The following SOX6 variants were observed in gnomAD, a reference collection of about 807,000 sequenced individuals.
The protein encoded by SOX6 is transcription factor SOX-6.
Under a neutral mutation model 97.8 loss-of-function variants are expected in SOX6, and 11 were observed. The observed-to-expected ratio is 0.11, with a 90% CI of 0.07 to 0.19. The LOEUF (loss-of-function observed/expected upper bound fraction) is 0.19, where lower values mean the gene tolerates loss of function less well. Ranked by LOEUF, SOX6 falls within the 10% of genes least tolerant of loss-of-function variation. The pLI, the probability that SOX6 is intolerant of heterozygous loss-of-function variation, is 1.00. For synonymous variants in SOX6, 360 were observed against 371.4 expected, an observed-to-expected ratio of 0.97 and a Z score of 0.35; for missense variants, 810 against 1,039.5, an observed-to-expected ratio of 0.78 and a Z score of 3.04.
At chr11:16,446,816 A>G (rs564362989) in intron 1 of SOX6, among the ~76,000 whole-genome samples, 1 of 152,052 alleles carries the variant, frequency 6.6e-6, no homozygotes, top group Non-Finnish European at 1.5e-5. Context: ...AGGTTTAATT[A>G]TTTAAGATAT....
intron 4 of SOX6, among the ~76,000 whole-genome samples, chr11:16,608,642 CAT>C (rs1417508571): frequency 6.6e-6 from 1 of 150,780 alleles, no homozygotes; most frequent in Non-Finnish European, 1.5e-5. Context: ...AGATTCCTAA[CAT>C]ATGTAGGTGG....
intron 9 of SOX6, among the ~76,000 whole-genome samples, chr11:16,092,731 T>G (rs1848718540): frequency 6.6e-6 from 1 of 151,602 alleles, no homozygotes; most frequent in Non-Finnish European, 1.5e-5. Context: ...TAATATAAGC[T>G]ACAACTATGA....
intron 3 of SOX6, among the ~76,000 whole-genome samples, chr11:16,711,007 T>A (rs1317107920): frequency 6.6e-6 from 1 of 152,160 alleles, no homozygotes; most frequent in East Asian, 1.9e-4. Context: ...CTTTTCATTA[T>A]CCCCAATTCT....
intron 3 of SOX6, among the ~76,000 whole-genome samples, chr11:16,703,053 G>A (rs1005701578): frequency 2.6e-5 from 4 of 151,428 alleles, no homozygotes; most frequent in Admixed American, 1.3e-4. Context: ...GATGACAAAT[G>A]GTAGGAAATT....
intron 13 of SOX6, among the ~76,000 whole-genome samples, chr11:16,008,983 C>T (rs1307817418): frequency 6.6e-6 from 1 of 152,076 alleles, no homozygotes; most frequent in Non-Finnish European, 1.5e-5. Flanking sequence ...CACAGAGATG[C>T]TATTGCCTAT....
At chr11:16,720,641 T>C (rs1420854851) in intron 2 of SOX6, among the ~76,000 whole-genome samples, 4 of 147,152 alleles carry the variant, frequency 2.7e-5, no homozygotes, top group African/African-American at 1.0e-4. Flanking sequence ...CATGTATACA[T>C]ATGTAACTAA....
intron 1 of SOX6, chr11:16,402,766 A>T (rs575835541): frequency 2.5e-6 from 4 of 1,607,058 alleles, no homozygotes; most frequent in Non-Finnish European, 3.4e-6. Context: ...ATTAGGAAAA[A>T]AAACAATCTA....
chr11:16,212,800 C>T (rs1254163345), intron 4 of SOX6, among the ~76,000 whole-genome samples: 5 of 152,094 alleles, frequency 3.3e-5, no homozygotes, highest in African/African-American at 4.8e-5. Flanking sequence ...TTGCATTTCC[C>T]TATTCTTCAG....
At chr11:16,471,186 G>A (rs1860135908) in intron 1 of SOX6, among the ~76,000 whole-genome samples, 1 of 151,226 alleles carries the variant, frequency 6.6e-6, no homozygotes, top group Non-Finnish European at 1.5e-5. Flanking sequence ...AATCAAATGT[G>A]AGATAAGAAC....
chr11:16,679,280 A>C (rs1383191746), intron 3 of SOX6, among the ~76,000 whole-genome samples: 1 of 152,138 alleles, frequency 6.6e-6, no homozygotes, highest in Admixed American at 6.6e-5. Context: ...TCAGGCAGCA[A>C]TATTTGCTGT....
chr11:16,114,087 A>G (rs1849288215), intron 6 of SOX6, among the ~76,000 whole-genome samples: 1 of 152,194 alleles, frequency 6.6e-6, no homozygotes, highest in African/African-American at 2.4e-5. Flanking sequence ...TATGTTAGAG[A>G]TGTTTAAAGC....
rs1186207499 is a variant in SOX6, at chr11:16,610,774, C to T, written n.609+1307G>A. On this transcript the variant is annotated intron_variant and non_coding_transcript_variant, in intron 4 of 5. Coordinates refer to the SOX6 transcript ENST00000524520. This position sits in a 1 kb window ranked among gnomAD's most constrained non-coding sequence, Gnocchi z 4.4. ...TTTCCTCTAAAGCCTCGGGCGCTGG[C>T]TATACCAATGAAGAGGGAGAGGCGG... 6.6e-6 allele frequency among the ~76,000 whole-genome samples: 1 copy of T among 152,124 alleles called. No individual in the cohort carries two copies. Among genetic ancestry groups the T allele is most frequent in the Non-Finnish European group, 1.5e-5 (1 of 68,022 alleles).
In SOX6 at chr11:15,967,455, G is replaced by A. The variant is rs551882079; in HGVS notation, c.*5354C>T. 7 of 152,280 alleles carry A rather than the reference G, an allele frequency of 4.6e-5. No homozygotes were observed. Among genetic ancestry groups the A allele is most frequent in the South Asian group, 2.1e-4 (1 of 4,828 alleles). 9.4% of individuals were successfully genotyped at this position (152,280 alleles called of 1,614,324 possible). On this transcript the variant is annotated 3_prime_UTR_variant, in exon 16 of 16. Transcript: ENST00000683767. ...ATATACATCACAAACAAATTACAAC[G>A]TCGGGGGAAATAAAAGAGTTACAGT...
At position 16,482,898 on chromosome 11, in the gene SOX6, G is replaced by A. The variant is rs115300680; in HGVS notation, n.610-6510C>T. On this transcript the variant is annotated intron_variant and non_coding_transcript_variant, in intron 4 of 5. Transcript: ENST00000524520. ...TTTTGTTTGTTTGTTTGTTTGTTTC[G>A]TGAGTGGTAATAATAAAGAATTCAA... Among the ~76,000 whole-genome samples the A allele has an allele frequency of 8.5e-3, 1,291 of 152,180 alleles. 21 individuals carry two copies. The highest frequency in any genetic ancestry group is 0.028 in the African/African-American group (1,176 of 41,510).
intron 1 of SOX6, among the ~76,000 whole-genome samples, chr11:16,469,453 A>G (rs1860102611): frequency 6.6e-6 from 1 of 152,156 alleles, no homozygotes. Context: ...AGGGTTAAAG[A>G]TGACCTCAAA....
rs1279688017 is a variant in SOX6 at position 16,607,570 on chromosome 11, G to A, written n.609+4511C>T. On this transcript the variant is annotated intron_variant and non_coding_transcript_variant, in intron 4 of 5. Coordinates refer to the SOX6 transcript ENST00000524520. This position sits in a 1 kb window ranked among gnomAD's most constrained non-coding sequence, Gnocchi z 6.5. ...CAAGTCTGCGGGGGTGTCCCGCCCC[G>A]GGTGGGGGCAGCGCAGAGCGGCAGA... The A allele has an allele frequency of 6.6e-6, 1 of 152,444 alleles. No homozygotes were observed. The highest frequency in any genetic ancestry group is 2.4e-5 in the African/African-American group (1 of 41,474). 9.4% of individuals were successfully genotyped at this position (152,444 alleles called of 1,614,324 possible).
At chr11:16,255,357 G>T (rs1853651835) in intron 3 of SOX6, among the ~76,000 whole-genome samples, 1 of 151,908 alleles carries the variant, frequency 6.6e-6, no homozygotes, top group Admixed American at 6.6e-5. Context: ...ACCACATTCT[G>T]GGCTATAAAA....
intron 10 of SOX6, 80 bp downstream of exon 10, chr11:16,055,672 G>T: frequency 6.4e-7 from 1 of 1,563,952 alleles, no homozygotes; most frequent in Non-Finnish European, 8.8e-7. Context: ...TGCTGTTTAT[G>T]CCCAACATAG....
intron 1 of SOX6, among the ~76,000 whole-genome samples, chr11:16,445,466 T>C (rs892202887): frequency 2.6e-5 from 4 of 152,228 alleles, no homozygotes; most frequent in African/African-American, 9.6e-5. Context: ...GGCATTTTTA[T>C]ATCCTTATTC....
Sources: allele counts gnomAD v4.1 joint callset (sites outside exome capture counted in the v4.1 genomes callset), GRCh38; gene constraint gnomAD v4.1.1; non-coding constraint Gnocchi (gnomAD v3.1); transcripts MANE v1.5; gene names NCBI Gene and HGNC (gene_info 2026-07-23, HGNC 2026-07-21).